Variants in VWA2 observed in about 807,000 individuals in gnomAD.
VWA2 encodes the protein von Willebrand factor A domain containing 2.
VWA2 carries 73 observed loss-of-function variants against 70.4 expected under a neutral mutation model. The ratio of observed to expected loss-of-function variants is 1.04; its 90% CI spans 0.86 to 1.26. The LOEUF (loss-of-function observed/expected upper bound fraction) is 1.26. Among genes scored for constraint, VWA2 ranks in the 50% most tolerant of loss-of-function variants. The pLI is 0.00. For synonymous variants in VWA2, 407 were observed against 423.3 expected (o/e 0.96, Z 0.47); for missense variants, 1,011 against 998.5 (o/e 1.01, Z -0.17).
Position 114,292,331 on chromosome 10 carries a change from C to A in VWA2, c.*1094C>A, listed in dbSNP as rs1422548707. Among the ~76,000 whole-genome samples, 1 of 151,924 alleles carries A rather than the reference C, an allele frequency of 6.6e-6. No homozygotes were observed. The highest frequency in any genetic ancestry group is 2.4e-5 in the African/African-American group (1 of 41,350). ...TTAATTGTGGCGTGTTTATGGAATT[C>A]TTTCCTTATTCTCCTTTTAGTGGGG... is the stretch of plus-strand genomic sequence containing the variant. On this transcript the variant is annotated 3_prime_UTR_variant, in exon 14 of 14. Coordinates refer to ENST00000392982, the MANE Select transcript of VWA2 (RefSeq NM_001272046.2).
At chr10:114,249,837 T>A (rs1387928475) in intron 2 of VWA2, among the ~76,000 whole-genome samples, 1 of 152,182 alleles carries the variant, frequency 6.6e-6, no homozygotes, top group Non-Finnish European at 1.5e-5. Context: ...GCTAAAACTT[T>A]TCAGTGACTT....
At chr10:114,239,843 C>A (rs2036944635) in intron 1 of VWA2, among the ~76,000 whole-genome samples, 1 of 152,178 alleles carries the variant, frequency 6.6e-6, no homozygotes, top group Non-Finnish European at 1.5e-5. Context: ...GGCGAGCTGG[C>A]GGGGTTTTGG....
intron 1 of VWA2, 24 bp from the exon 2 acceptor site, chr10:114,248,680 C>A (rs908527164): frequency 1.2e-6 from 2 of 1,604,528 alleles, no homozygotes; most frequent in South Asian, 1.1e-5. Flanking sequence ...CTGATACTTT[C>A]TTTCTTTTCC....
intron 5 of VWA2, among the ~76,000 whole-genome samples, chr10:114,262,188 A>AAT (rs957667118): frequency 9.9e-5 from 15 of 151,794 alleles, no homozygotes; most frequent in Admixed American, 9.8e-4. Flanking sequence ...TCGCCCTCTA[A>AAT]ATATATATAT....
chr10:114,248,817 G>C (rs756825131), intron 2 of VWA2, 52 bp downstream of exon 2: 1 of 1,539,212 alleles, frequency 6.5e-7, no homozygotes, highest in Non-Finnish European at 9.0e-7. Context: ...GAGTAGGGGG[G>C]TTGCTTGCTT....
At chr10:114,283,285 GCAGGCAGGGCAGCGA>G (rs2038413685) in intron 9 of VWA2, among the ~76,000 whole-genome samples, 1 of 150,842 alleles carries the variant, frequency 6.6e-6, no homozygotes, top group African/African-American at 2.4e-5. Context: ...AGACACACAG[GCAGGCAGGGCAGCGA>G]GCAGTTAGAC....
intron 5 of VWA2, among the ~76,000 whole-genome samples, chr10:114,262,032 G>GTGAACTCACTCATCGCCAA (rs2037455277): frequency 6.6e-6 from 1 of 152,118 alleles, no homozygotes; most frequent in Admixed American, 6.5e-5. Flanking sequence ...CAGATCTTAT[G>GTGAACTCACTCATCGCCAA]TGAACTCACT....
At chr10:114,286,793 G>A (rs912804469) in intron 11 of VWA2, among the ~76,000 whole-genome samples, 4 of 152,218 alleles carry the variant, frequency 2.6e-5, no homozygotes, top group African/African-American at 9.6e-5. Flanking sequence ...AGGTGTTGCT[G>A]TTATCATTCT....
chr10:114,282,436 GGT>G, intron 8 of VWA2, 78 bp from the exon 9 acceptor site: 3 of 1,106,134 alleles, frequency 2.7e-6, no homozygotes, highest in Middle Eastern at 2.0e-4. Context: ...ATCAGCTTTT[GGT>G]GTTGTAAATC....
chr10:114,244,301 T>TCTGCC lies in VWA2; in HGVS notation c.-10-4402_-10-4398dup, dbSNP rs567685866. ...TAGCCTGTTTTCTGGAGCCTGGACT[T>TCTGCC]CTGCCAGAGTGTCACCTCTTACCGG... On this transcript the variant is annotated intron_variant, in intron 1 of 13. Transcript: ENST00000392982. 1.4e-4 allele frequency among the ~76,000 whole-genome samples: 21 copies of TCTGCC among 152,360 alleles called. No individual in the cohort carries two copies. The South Asian group carries it at 3.9e-3, about 29-fold the overall frequency.
chr10:114,247,680 C>T (rs2037102810), intron 1 of VWA2, among the ~76,000 whole-genome samples: 1 of 151,124 alleles, frequency 6.6e-6, no homozygotes, highest in African/African-American at 2.4e-5. Context: ...AAAAACAAAA[C>T]GGAGCTGGAT....
chr10:114,284,407 T>C (rs1325378227), intron 9 of VWA2, among the ~76,000 whole-genome samples: 14 of 152,176 alleles, frequency 9.2e-5, no homozygotes. Flanking sequence ...CCGGAGGAAG[T>C]GGAAGAGGCC....
rs1398322702 is a variant in VWA2, at chr10:114,277,097, C to T, written c.567-817C>T. Among the ~76,000 whole-genome samples, 23 of 146,518 alleles carry T rather than the reference C, an allele frequency of 1.6e-4. No individual in the cohort carries two copies. The South Asian group carries it at 4.7e-3, about 30-fold the overall frequency. On this transcript the variant is annotated intron_variant, in intron 6 of 13. Coordinates refer to ENST00000392982, the MANE Select transcript of VWA2 (RefSeq NM_001272046.2). Reference sequence around the variant, plus strand: ...GAAATGAATGGGATTTTTGCCCTATCGTCAAACCTTGGTCCACCCTGATGA... The same window carrying T: ...GAAATGAATGGGATTTTTGCCCTATTGTCAAACCTTGGTCCACCCTGATGA...
At chr10:114,255,229 CTT>C (rs376033907) in intron 4 of VWA2, among the ~76,000 whole-genome samples, 181 bp downstream of exon 4, 4 of 142,856 alleles carry the variant, frequency 2.8e-5, no homozygotes, top group African/African-American at 2.6e-5. Flanking sequence ...GCATCTTTTT[CTT>C]TTTTTTTTTT....
At chr10:114,288,549 G>A (rs11196685) in intron 11 of VWA2, among the ~76,000 whole-genome samples, 37,733 of 152,044 alleles carry the variant, frequency 0.25, 4,928 homozygotes, top group African/African-American at 0.32. Context: ...GCCCGGGCCA[G>A]CAGGGCTTGG....
At chr10:114,273,235 G>T (rs1318640941) in intron 6 of VWA2, among the ~76,000 whole-genome samples, 4 of 152,152 alleles carry the variant, frequency 2.6e-5, no homozygotes, top group South Asian at 2.1e-4. Flanking sequence ...TGGGATGGGG[G>T]TCCCTCAGGG....
chr10:114,266,154 G>A (rs535491992), intron 5 of VWA2, among the ~76,000 whole-genome samples: 78 of 152,062 alleles, frequency 5.1e-4, no homozygotes, highest in Non-Finnish European at 8.1e-4. Flanking sequence ...AAAATTAGCC[G>A]GGCGTGGTGG....
intron 5 of VWA2, among the ~76,000 whole-genome samples, chr10:114,272,011 C>T (rs2037721045): frequency 6.6e-6 from 1 of 152,230 alleles, no homozygotes; most frequent in Admixed American, 6.5e-5. Context: ...GCTGGCAGTC[C>T]TCTCTCTGAC....
chr10:114,244,130 G>A (rs1281440144), intron 1 of VWA2, among the ~76,000 whole-genome samples: 1 of 152,230 alleles, frequency 6.6e-6, no homozygotes, highest in African/African-American at 2.4e-5. Flanking sequence ...GGAAGCCAGA[G>A]GGCCCTGGTA....
Sources: allele counts gnomAD v4.1 joint callset (sites outside exome capture counted in the v4.1 genomes callset), GRCh38; gene constraint gnomAD v4.1.1; transcripts MANE v1.5; gene names NCBI Gene and HGNC (gene_info 2026-07-23, HGNC 2026-07-21).